TAOK1: variants seen among roughly 807,000 people sequenced by gnomAD.
The protein encoded by TAOK1 is serine/threonine-protein kinase TAO1.
In TAOK1, 21 loss-of-function variants were observed where a neutral mutation model predicts 138.3. The ratio of observed to expected loss-of-function variants is 0.15; its 90% CI spans 0.11 to 0.22. TAOK1 has a LOEUF of 0.22. Ranked by LOEUF, TAOK1 falls within the 10% of genes least tolerant of loss-of-function variation. The pLI is 1.00. For synonymous variants in TAOK1, 361 were observed against 398.4 expected, an observed-to-expected ratio of 0.91 and a Z score of 1.12; for missense variants, 651 against 1,227.7, an observed-to-expected ratio of 0.53 and a Z score of 7.02.
intron 3 of TAOK1, among the ~76,000 whole-genome samples, chr17:29,468,721 G>A (rs1421745557): frequency 1.3e-5 from 2 of 151,552 alleles, no homozygotes; most frequent in Non-Finnish European, 2.9e-5. Context: ...CAAATATTTT[G>A]TATCTTTAGT....
In TAOK1 at chr17:29,434,056, C is replaced by T. The variant is rs867791379; in HGVS notation, c.-94-17399C>T. On this transcript the variant is annotated intron_variant, in intron 1 of 19. Coordinates refer to ENST00000261716, the MANE Select transcript of TAOK1 (RefSeq NM_020791.4). ...GGTTATTAGAAAACATGCATCAAAA[C>T]GAAACAAGGGGCGGGGTAAGGAGAG... 3.9e-5 allele frequency among the ~76,000 whole-genome samples: 6 copies of T among 152,122 alleles called. 1 individual carries two copies. In the Middle Eastern group the frequency reaches 0.01, roughly 259 times the overall value.
intron 2 of TAOK1, among the ~76,000 whole-genome samples, chr17:29,465,877 A>G (rs899932109): frequency 3.1e-5 from 3 of 97,854 alleles, no homozygotes; most frequent in African/African-American, 1.7e-4. Context: ...GATTTTCCAC[A>G]ACAGTATTAA....
intron 10 of TAOK1, among the ~76,000 whole-genome samples, chr17:29,494,965 T>C (rs1319928478): frequency 6.6e-6 from 1 of 152,152 alleles, no homozygotes; most frequent in Non-Finnish European, 1.5e-5. Context: ...GAAAAGTATA[T>C]TACAATGTAA....
At chr17:29,533,985 CA>C in intron 18 of TAOK1, 132 bp from the exon 19 acceptor site, 1 of 928,648 alleles carries the variant, frequency 1.1e-6, no homozygotes, top group Non-Finnish European at 1.5e-6. Context: ...CTCCAAGATA[CA>C]AGAGAGAAAA....
chr17:29,439,482 C>G (rs1398202307), intron 1 of TAOK1, among the ~76,000 whole-genome samples: 1 of 152,056 alleles, frequency 6.6e-6, no homozygotes, highest in Non-Finnish European at 1.5e-5. Context: ...GGATTACAGG[C>G]ATGAGCCACC....
intron 1 of TAOK1, among the ~76,000 whole-genome samples, chr17:29,438,291 A>G (rs1429556078): frequency 6.6e-6 from 1 of 152,056 alleles, no homozygotes; most frequent in Non-Finnish European, 1.5e-5. Flanking sequence ...TAGTTTGTGG[A>G]TTTTTCTTTT....
chr17:29,394,556 A>G (rs1355396717), intron 1 of TAOK1, among the ~76,000 whole-genome samples: 2 of 152,096 alleles, frequency 1.3e-5, no homozygotes, highest in African/African-American at 2.4e-5. Context: ...GTTGAGATCA[A>G]TCTGTCTTTC....
chr17:29,412,550 AATGAG>A (rs1247583834), intron 1 of TAOK1, among the ~76,000 whole-genome samples: 1 of 152,094 alleles, frequency 6.6e-6, no homozygotes, highest in African/African-American at 2.4e-5. Context: ...TTTAGTACTT[AATGAG>A]ATATTTTCCT....
chr17:29,482,749 T>C (rs57782799), intron 8 of TAOK1, among the ~76,000 whole-genome samples: 82 of 151,982 alleles, frequency 5.4e-4, no homozygotes, highest in Admixed American at 1.1e-3. Context: ...CATATTTTTT[T>C]TTTTTAAGAC....
chr17:29,426,017 A>G (rs967232446), intron 1 of TAOK1, among the ~76,000 whole-genome samples: 1 of 152,138 alleles, frequency 6.6e-6, no homozygotes, highest in African/African-American at 2.4e-5. Context: ...AGTAGCTGGA[A>G]CTACATGCGC....
intron 1 of TAOK1, among the ~76,000 whole-genome samples, chr17:29,437,099 T>C (rs954992224): frequency 6.6e-6 from 1 of 152,204 alleles, no homozygotes; most frequent in Non-Finnish European, 1.5e-5. Flanking sequence ...AATCTGGCAC[T>C]GTTGCCCGGG....
intron 1 of TAOK1, among the ~76,000 whole-genome samples, chr17:29,404,653 G>A (rs984566777): frequency 1.3e-5 from 2 of 152,046 alleles, no homozygotes; most frequent in Non-Finnish European, 2.9e-5. Context: ...AGCCAAGTAC[G>A]GTGGCATGTG....
intron 11 of TAOK1, 70 bp from the exon 12 acceptor site, chr17:29,498,248 A>G: frequency 6.5e-7 from 1 of 1,527,508 alleles, no homozygotes; most frequent in Non-Finnish European, 9.0e-7. Context: ...CTAGGTGCTT[A>G]TAGTCAAGAA....
At chr17:29,520,150 C>T (rs1390151509) in intron 16 of TAOK1, among the ~76,000 whole-genome samples, 2 of 148,426 alleles carry the variant, frequency 1.3e-5, no homozygotes, top group Admixed American at 6.8e-5. Context: ...CACCGCACTC[C>T]AGCCTGGGCG....
rs906824035 is a variant in TAOK1, at chr17:29,548,747, A to AT, written c.*5732dup. 7 of 151,998 alleles carry AT rather than the reference A, an allele frequency of 4.6e-5. No individual in the cohort carries two copies. Among genetic ancestry groups the AT allele is most frequent in the Admixed American group, 6.6e-5 (1 of 15,242 alleles). The allele number at this position is 151,998 out of a possible 1,614,324, so 9.4% of individuals were successfully genotyped here. On this transcript the variant is annotated 3_prime_UTR_variant, in exon 20 of 20. Coordinates refer to ENST00000261716, the MANE Select transcript of TAOK1 (RefSeq NM_020791.4). The stretch of plus-strand genomic sequence containing the variant: ...GCTAACAAATTGACCTAGTTTCTGT[A>AT]TTTTTTTGTTTTTGTACTAAAGTTT...
intron 2 of TAOK1, among the ~76,000 whole-genome samples, chr17:29,453,360 CG>C (rs1023152348): frequency 1.3e-5 from 2 of 151,666 alleles, no homozygotes; most frequent in African/African-American, 4.8e-5. Flanking sequence ...AGCGTTTCAC[CG>C]TGTTAGCCAA....
intron 14 of TAOK1, among the ~76,000 whole-genome samples, chr17:29,510,462 T>C (rs2031701290): frequency 6.6e-6 from 1 of 152,188 alleles, no homozygotes; most frequent in Non-Finnish European, 1.5e-5. Context: ...GCCAAAATTA[T>C]GTAAGATGTT....
intron 1 of TAOK1, among the ~76,000 whole-genome samples, chr17:29,434,947 A>G (rs1377022849): frequency 6.6e-6 from 1 of 152,162 alleles, no homozygotes; most frequent in Non-Finnish European, 1.5e-5. Flanking sequence ...GTCCTCCTCC[A>G]GTAAGGGAGA....
At chr17:29,522,573 T>C (rs1465744027) in intron 17 of TAOK1, 54 bp downstream of exon 17, 18 of 1,598,574 alleles carry the variant, frequency 1.1e-5, no homozygotes, top group Non-Finnish European at 1.4e-5. Flanking sequence ...AAGGTATCCA[T>C]GTAAGCAGGA....
Sources: gnomAD v4.1 joint callset for allele counts (sites outside exome capture counted in the v4.1 genomes callset) on GRCh38, gnomAD v4.1.1 for gene constraint, MANE v1.5 for transcripts, NCBI Gene and HGNC (gene_info 2026-07-23, HGNC 2026-07-21) for gene names.